The following SI variants were observed in gnomAD, a reference collection of about 807,000 sequenced individuals.
SI encodes the protein sucrase-isomaltase, intestinal.
In SI, 235 loss-of-function variants were observed where a neutral mutation model predicts 253.3. The ratio of observed to expected loss-of-function variants is 0.93; its 90% CI spans 0.83 to 1.03. SI has a LOEUF of 1.03. SI is among the 50% of genes least tolerant of loss of function. The probability of loss-of-function intolerance (pLI) is 0.00; values close to 1 mark genes in which losing one functional copy is unlikely to be tolerated. For synonymous variants in SI, 819 were observed against 712.0 expected, an observed-to-expected ratio of 1.15 and a Z score of -2.39; for missense variants, 2,442 against 2,211.1, an observed-to-expected ratio of 1.10 and a Z score of -2.09.
At chr3:165,019,421 C>A (rs1719195696) in intron 28 of SI, among the ~76,000 whole-genome samples, 181 bp downstream of exon 28, 1 of 151,944 alleles carries the variant, frequency 6.6e-6, no homozygotes, top group South Asian at 2.1e-4. Flanking sequence ...TCTACTTCCA[C>A]CTGTAATTTA....
chr3:165,035,800 T>C (rs1712501803), intron 22 of SI, among the ~76,000 whole-genome samples: 1 of 151,718 alleles, frequency 6.6e-6, no homozygotes. Flanking sequence ...AGTGAATAGT[T>C]AAATACAAAT....
chr3:165,060,072 T>G, intron 9 of SI, 45 bp from the exon 10 acceptor site: 2 of 1,545,794 alleles, frequency 1.3e-6, no homozygotes, highest in Non-Finnish European at 1.8e-6. Context: ...GAAATAAATA[T>G]ATTTAGCATT....
chr3:165,077,960 T>C (rs1236557341), intron 1 of SI, among the ~76,000 whole-genome samples: 1 of 151,608 alleles, frequency 6.6e-6, no homozygotes, highest in Non-Finnish European at 1.5e-5. Context: ...TTTCTCTGCA[T>C]ATTTATTATG....
intron 17 of SI, among the ~76,000 whole-genome samples, chr3:165,041,858 C>T (rs1712851598): frequency 6.6e-6 from 1 of 152,060 alleles, no homozygotes; most frequent in Non-Finnish European, 1.5e-5. Flanking sequence ...TGCTCCCAGC[C>T]TTGAATGAGC....
At chr3:165,049,304 T>G in intron 14 of SI, 60 bp from the exon 15 acceptor site, 1 of 980,044 alleles carries the variant, frequency 1.0e-6, no homozygotes, top group Non-Finnish European at 1.6e-6. Context: ...GTTATATATT[T>G]TCCATCATAA....
upstream of SI, among the ~76,000 whole-genome samples, chr3:165,082,076 C>T (rs1253276502): frequency 2.0e-5 from 3 of 151,960 alleles, no homozygotes; most frequent in East Asian, 3.9e-4. Flanking sequence ...CTAGATGTAA[C>T]GATTCTTAGA....
chr3:164,999,900 T>G (rs752406421), intron 37 of SI, among the ~76,000 whole-genome samples: 3 of 151,688 alleles, frequency 2.0e-5, no homozygotes, highest in Admixed American at 6.6e-5. Flanking sequence ...AAATTGTCAC[T>G]CTTTTAAAAA....
At chr3:164,985,999 A>C (rs546530380) in intron 45 of SI, among the ~76,000 whole-genome samples, 1 of 152,160 alleles carries the variant, frequency 6.6e-6, no homozygotes, top group African/African-American at 2.4e-5. Flanking sequence ...CTAAATTAAA[A>C]TATATCTCCT....
At chr3:165,029,292 A>G (rs924866905) in intron 25 of SI, among the ~76,000 whole-genome samples, 4 of 150,658 alleles carry the variant, frequency 2.7e-5, no homozygotes, top group Non-Finnish European at 1.5e-5. Context: ...AGATGTTGGC[A>G]TGGATTCAGT....
chr3:165,088,832 G>A, the SI span, among the ~76,000 whole-genome samples: 2 of 151,052 alleles, frequency 1.3e-5, no homozygotes, highest in African/African-American at 4.9e-5. Flanking sequence ...TTAAGAAAAT[G>A]GACAAATATT....
At chr3:165,075,296 T>C (rs1178416875) in intron 2 of SI, among the ~76,000 whole-genome samples, 1 of 152,004 alleles carries the variant, frequency 6.6e-6, no homozygotes, top group Non-Finnish European at 1.5e-5. Context: ...GTCTAGAAGA[T>C]AATGTGTAAC....
chr3:165,007,959 T>C lies in SI; in HGVS notation c.4219A>G (p.Thr1407Ala). 6.2e-7 allele frequency: 1 copy of C among 1,602,558 alleles called. No individual in the cohort carries two copies. The highest frequency in any genetic ancestry group is 8.5e-7 in the Non-Finnish European group (1 of 1,170,598). ...EPSSFVNGTT[T>A]NQCRNDELNY... is the part of the protein sequence containing the mutation. ...AGTTCGTCATTTCTGCATTGATTAGTAGTTGTTCCATTTACAAAACTTGAT... is the reference window on the plus strand; with the variant it reads ...AGTTCGTCATTTCTGCATTGATTAGCAGTTGTTCCATTTACAAAACTTGAT... The change falls in exon 36 of 48, where the codon ACT becomes GCT. Residue 1407 changes from threonine (T) to alanine (A), a missense_variant. Coordinates refer to ENST00000264382, the MANE Select transcript of SI (RefSeq NM_001041.4).
At chr3:165,021,166 T>C in intron 27 of SI, 63 bp downstream of exon 27, 1 of 1,450,884 alleles carries the variant, frequency 6.9e-7, no homozygotes, top group South Asian at 1.1e-5. Flanking sequence ...GTTAATCATT[T>C]TACTTTTCCC....
In SI at chr3:165,036,476, G is replaced by T. The variant is rs370537003; in HGVS notation, c.2428C>A (p.Arg810Ser). ...QEPDVTTTAS[R>S]KNPLGLIVAL... ...ACTATAAGTCCTAGAGGATTCTTAC[G>T]GCTGTTAAGAAAAATTAGGTGCATA... Residue 810 changes from arginine (R) to serine (S), a missense_variant and splice_region_variant, in exon 22 of 48, where the codon CGT becomes AGT. Arg to Ser is a moderately radical substitution (Grantham distance 110). Transcript: ENST00000264382. 3 of 1,607,256 alleles carry T rather than the reference G, an allele frequency of 1.9e-6. No homozygotes were observed. Among genetic ancestry groups the T allele is most frequent in the Non-Finnish European group, 2.6e-6 (3 of 1,174,920 alleles).
Position 164,998,629 on chromosome 3 carries a change from C to G in SI, c.4451G>C (p.Arg1484Pro). ...TCGTCCACTAGTAGGATACGTGGAA[C>G]GAGAAATTACAATCCCTCTTTTTCC... ...TTGKRGIVIS[R>P]STYPTSGRWG... The change falls in exon 38 of 48, where the codon CGT becomes CCT. Residue 1484 changes from arginine to proline, a missense_variant. Arg to Pro is a moderately radical substitution (Grantham distance 103). Coordinates refer to ENST00000264382, the MANE Select transcript of SI (RefSeq NM_001041.4). The G allele has an allele frequency of 6.2e-7, 1 of 1,611,296 alleles. No individual in the cohort carries two copies. Among genetic ancestry groups the G allele is most frequent in the South Asian group, 1.1e-5 (1 of 91,044 alleles).
At chr3:165,014,508 C>T (rs1718934293) in intron 33 of SI, among the ~76,000 whole-genome samples, 1 of 152,124 alleles carries the variant, frequency 6.6e-6, no homozygotes. Flanking sequence ...CTTGGCCTCC[C>T]AAAGAGCTGG....
chr3:165,014,056 A>AATG (rs1718903882), intron 33 of SI, among the ~76,000 whole-genome samples: 1 of 152,096 alleles, frequency 6.6e-6, no homozygotes, highest in Admixed American at 6.6e-5. Context: ...AGCTTTCTCT[A>AATG]ATGTTAACAT....
rs147881967 is a variant in SI at position 165,022,600 on chromosome 3, T to TACACAC, written c.3099+964_3099+969dup. Among the ~76,000 whole-genome samples, 6 of 128,082 alleles carry TACACAC rather than the reference T, an allele frequency of 4.7e-5. No individual in the cohort carries two copies. In the South Asian group the frequency reaches 1.3e-3, roughly 28 times the overall value. The allele number at this position is 128,082 out of a possible 152,430, so 84.0% of individuals were successfully genotyped here. A position where few individuals can be genotyped will look rare whatever the true frequency, so the allele number is the denominator to read the frequency against. The stretch of plus-strand genomic sequence containing the variant: ...TTCTATGCTTTTGTGCCATCACACA[T>TACACAC]ACACACACACACACACACACACAAA... On this transcript the variant is annotated intron_variant, in intron 26 of 47. Coordinates refer to ENST00000264382, the MANE Select transcript of SI (RefSeq NM_001041.4).
chr3:164,991,299 G>A (rs993759351), intron 44 of SI, 54 bp downstream of exon 44: 1 of 1,599,382 alleles, frequency 6.3e-7, no homozygotes, highest in Non-Finnish European at 8.6e-7. Context: ...TCTTAACAAT[G>A]CTAGCATGAT....
Sources: gnomAD v4.1 joint callset for allele counts (sites outside exome capture counted in the v4.1 genomes callset) on GRCh38, gnomAD v4.1.1 for gene constraint, MANE v1.5 for transcripts, NCBI Gene and HGNC (gene_info 2026-07-23, HGNC 2026-07-21) for gene names.